Variants in NXN observed in about 807,000 individuals in gnomAD.
The protein encoded by NXN is nucleoredoxin 1.
NXN carries 16 observed loss-of-function variants against 48.6 expected under a neutral mutation model. The ratio of observed to expected loss-of-function variants is 0.33; its 90% CI spans 0.22 to 0.50. NXN has a LOEUF of 0.50. Among genes scored for constraint, NXN ranks in the 20% least tolerant of loss-of-function variants. The probability of loss-of-function intolerance (pLI) is 0.98; values close to 1 mark genes in which losing one functional copy is unlikely to be tolerated. For synonymous variants in NXN, 281 were observed against 269.6 expected (o/e 1.04, Z -0.41); for missense variants, 492 against 605.5 (o/e 0.81, Z 1.97).
chr17:924,324 C>T (rs2068777509), intron 1 of NXN, among the ~76,000 whole-genome samples: 1 of 152,230 alleles, frequency 6.6e-6, no homozygotes, highest in South Asian at 2.1e-4. Flanking sequence ...GCAACCTCCA[C>T]CTCCTGGGTT....
intron 1 of NXN, among the ~76,000 whole-genome samples, chr17:883,387 A>T (rs1001061842): frequency 2.0e-5 from 3 of 151,362 alleles, no homozygotes; most frequent in African/African-American, 7.3e-5. Context: ...GAAGCTGCTC[A>T]CTGGCTGTTG....
chr17:828,474 T>C (rs1170571067), intron 1 of NXN, among the ~76,000 whole-genome samples: 2 of 147,660 alleles, frequency 1.4e-5, no homozygotes, highest in Non-Finnish European at 1.5e-5. Flanking sequence ...TGATCTAGGC[T>C]CACTGCAACC....
intron 1 of NXN, among the ~76,000 whole-genome samples, chr17:975,831 A>G (rs925320992): frequency 2.6e-5 from 4 of 152,330 alleles, no homozygotes; most frequent in Admixed American, 2.0e-4. Flanking sequence ...TAACATACTA[A>G]TCCAAAGGGA....
chr17:878,818 C>T (rs968304258), intron 1 of NXN, among the ~76,000 whole-genome samples: 4 of 152,202 alleles, frequency 2.6e-5, no homozygotes, highest in African/African-American at 7.2e-5. Context: ...TAAAAAAACA[C>T]GCAGAGCCAG....
chr17:812,825 T>C (rs1325764469), intron 5 of NXN, among the ~76,000 whole-genome samples: 3 of 150,240 alleles, frequency 2.0e-5, no homozygotes, highest in Non-Finnish European at 3.0e-5. Context: ...TGTGTGCGAG[T>C]GTGCATGTGT....
rs369883008 is a variant in NXN at position 826,025 on chromosome 17, G to T, written c.414C>A (p.Leu138=). The T allele has an allele frequency of 1.9e-6, 3 of 1,614,056 alleles. No homozygotes were observed. The highest frequency in any genetic ancestry group is 2.2e-5 in the South Asian group (2 of 91,076). Reference sequence around the variant, plus strand: ...ACACAACCTTCCCAGTGGTGGCGTCGAGGAATATTAGTGATGGAATGTTGG... The same window carrying T: ...ACACAACCTTCCCAGTGGTGGCGTCTAGGAATATTAGTGATGGAATGTTGG... ...RISNIPSLIF[L]DATTGKVVCR... The change falls in exon 2 of 8, where the codon CTC becomes CTA. Residue 138 remains leucine, a synonymous_variant. Coordinates refer to ENST00000336868, the MANE Select transcript of NXN (RefSeq NM_022463.5).
At chr17:814,385 G>A (rs1912352372) in intron 5 of NXN, among the ~76,000 whole-genome samples, 1 of 152,134 alleles carries the variant, frequency 6.6e-6, no homozygotes, top group Non-Finnish European at 1.5e-5. Context: ...ATCCAGGAAG[G>A]AACTCCGTAC....
chr17:873,080 C>T (rs1376470793), intron 1 of NXN, among the ~76,000 whole-genome samples: 1 of 152,216 alleles, frequency 6.6e-6, no homozygotes, highest in Admixed American at 6.5e-5. Context: ...CTGGGACACC[C>T]GTCTTCCTCT....
chr17:842,880 G>A (rs141153691), intron 1 of NXN, among the ~76,000 whole-genome samples: 3,333 of 151,786 alleles, frequency 0.022, 121 homozygotes, highest in African/African-American at 0.076. Context: ...CGGAGGTTGC[G>A]GTAAGCCGAG....
intron 1 of NXN, among the ~76,000 whole-genome samples, chr17:915,634 C>T (rs2144936004): frequency 6.6e-6 from 1 of 152,246 alleles, no homozygotes; most frequent in East Asian, 1.9e-4. Flanking sequence ...TGAATGAGTA[C>T]ATAGTGTAAC....
At position 958,740 on chromosome 17, in the gene NXN, C is replaced by T. The variant is rs920997228; in HGVS notation, c.360+20579G>A. 1.3e-5 allele frequency among the ~76,000 whole-genome samples: 2 copies of T among 151,940 alleles called. No homozygotes were observed. Among genetic ancestry groups the T allele is most frequent in the African/African-American group, 4.8e-5 (2 of 41,372 alleles). ...TTGTGCCACTGAACTCCAGCACAGG[C>T]GACAGAGCGAGACTCCCTCTCAAAA... On this transcript the variant is annotated intron_variant, in intron 1 of 7. Transcript: ENST00000336868. The surrounding 1 kb of genome is among the most constrained non-coding windows in gnomAD (Gnocchi z 6.9).
At chr17:818,833 G>T (rs57107989) in intron 5 of NXN, among the ~76,000 whole-genome samples, 3,419 of 150,614 alleles carry the variant, frequency 0.023, 114 homozygotes, top group African/African-American at 0.076. Flanking sequence ...TGCAGTGAGC[G>T]GAGATCGCAC....
At chr17:807,777 C>T (rs1911653273) in intron 5 of NXN, among the ~76,000 whole-genome samples, 2 of 152,272 alleles carry the variant, frequency 1.3e-5, no homozygotes, top group Non-Finnish European at 2.9e-5. Flanking sequence ...GGCTGCCTCC[C>T]CTCAGCTGGT....
At chr17:954,017 A>G (rs2663350) in intron 1 of NXN, among the ~76,000 whole-genome samples, 121,954 of 152,180 alleles carry the variant, frequency 0.8, 49,298 homozygotes, top group African/African-American at 0.91. Context: ...AAGGAGACCT[A>G]TGCTGGGTTT....
intron 1 of NXN, among the ~76,000 whole-genome samples, chr17:826,563 G>A (rs184246577): frequency 1.5e-3 from 233 of 152,292 alleles, no homozygotes; most frequent in Non-Finnish European, 2.3e-3. Context: ...CGAGAGCCTC[G>A]CCACCCTGGC....
At chr17:897,065 T>C (rs2068494730) in intron 1 of NXN, 1 of 1,068,704 alleles carries the variant, frequency 9.4e-7, no homozygotes, top group African/African-American at 1.7e-5. Flanking sequence ...ACGCGTGAGC[T>C]TTGACAGCCA....
chr17:957,121 G>A (rs1285888677), intron 1 of NXN, among the ~76,000 whole-genome samples: 1 of 146,342 alleles, frequency 6.8e-6, no homozygotes, highest in African/African-American at 2.5e-5. Context: ...GCAGGGGCCT[G>A]GCGGAGCTGA....
chr17:847,842 G>C (rs1260734263), intron 1 of NXN, among the ~76,000 whole-genome samples: 1 of 152,304 alleles, frequency 6.6e-6, no homozygotes, highest in East Asian at 1.9e-4. Context: ...GCAAACATAT[G>C]TCTTTGAATT....
chr17:842,723 A>G (rs1914401365), intron 1 of NXN, among the ~76,000 whole-genome samples: 1 of 152,190 alleles, frequency 6.6e-6, no homozygotes, highest in South Asian at 2.1e-4. Flanking sequence ...GGATCACCTG[A>G]GGTCAGGAGT....
Sources: gnomAD v4.1 joint callset for allele counts (sites outside exome capture counted in the v4.1 genomes callset) on GRCh38, gnomAD v4.1.1 for gene constraint, Gnocchi (gnomAD v3.1) non-coding constraint, MANE v1.5 for transcripts, NCBI Gene and HGNC (gene_info 2026-07-23, HGNC 2026-07-21) for gene names.